Variants in CYB5R4 observed in about 807,000 individuals in gnomAD.
CYB5R4 encodes the protein cytochrome b5 reductase 4, also known as N-terminal cytochrome b5 and cytochrome b5 oxidoreductase domain-containing protein.
In CYB5R4, 55 loss-of-function variants were observed where a neutral mutation model predicts 70.2. The observed-to-expected ratio is 0.78, with a 90% CI of 0.63 to 0.98. The LOEUF (loss-of-function observed/expected upper bound fraction) is 0.98, where lower values mean the gene tolerates loss of function less well. CYB5R4 is among the 50% of genes least tolerant of loss of function. The probability of loss-of-function intolerance (pLI) is 0.00; values close to 1 mark genes in which losing one functional copy is unlikely to be tolerated. For missense variants in CYB5R4, 562 were observed against 612.6 expected (o/e 0.92, Z 0.87); for synonymous variants, 197 against 199.5 (o/e 0.99, Z 0.11).
intron 4 of CYB5R4, among the ~76,000 whole-genome samples, chr6:83,912,879 A>G (rs1002759712): frequency 2.6e-5 from 4 of 152,192 alleles, no homozygotes; most frequent in Non-Finnish European, 4.4e-5. Context: ...TTGTATTTAA[A>G]AAAGACTTGG....
rs2099473824 is a variant in CYB5R4 at position 83,964,790 on chromosome 6, T to G, written c.*4912T>G. 6.6e-6 allele frequency: 1 copy of G among 152,118 alleles called. No individual in the cohort carries two copies. Among genetic ancestry groups the G allele is most frequent in the South Asian group, 2.1e-4 (1 of 4,830 alleles). The allele number at this position is 152,118 out of a possible 1,614,324, so 9.4% of individuals were successfully genotyped here. ...GGAAGAAAAAATGGTAAAAATGGTT[T>G]TGTGGGCAAGGCCTAGGGTCCTTGT... On this transcript the variant is annotated 3_prime_UTR_variant, in exon 16 of 16. Coordinates refer to ENST00000369681, the MANE Select transcript of CYB5R4 (RefSeq NM_016230.4).
intron 15 of CYB5R4, among the ~76,000 whole-genome samples, chr6:83,957,610 G>A (rs1480737488): frequency 5.5e-5 from 6 of 108,188 alleles, no homozygotes; most frequent in South Asian, 2.8e-4. Context: ...CAACAAGAGC[G>A]AAACTCTGTC....
intron 3 of CYB5R4, among the ~76,000 whole-genome samples, chr6:83,900,054 A>G (rs1426363184): frequency 1.3e-5 from 2 of 151,674 alleles, no homozygotes; most frequent in African/African-American, 2.4e-5. Flanking sequence ...TTTAATTGTG[A>G]TGTTAGGGTG....
chr6:83,911,668 A>G (rs2099464696), intron 4 of CYB5R4, among the ~76,000 whole-genome samples: 1 of 152,096 alleles, frequency 6.6e-6, no homozygotes, highest in East Asian at 1.9e-4. Flanking sequence ...GTCCTTTCAA[A>G]TTTCTTCCAG....
chr6:83,940,737 C>G (rs1588583582), intron 14 of CYB5R4, 136 bp downstream of exon 14: 1 of 1,074,486 alleles, frequency 9.3e-7, no homozygotes, highest in East Asian at 3.2e-5. Context: ...AATTCTCTAA[C>G]TAGAAATCAT....
At chr6:83,865,683 A>T in intron 2 of CYB5R4, among the ~76,000 whole-genome samples, 1 of 152,164 alleles carries the variant, frequency 6.6e-6, no homozygotes, top group East Asian at 1.9e-4. Flanking sequence ...CCTATATCCA[A>T]ATAAGGTCAT....
At chr6:83,922,023 A>T (rs7765992) in intron 8 of CYB5R4, among the ~76,000 whole-genome samples, 1 of 152,086 alleles carries the variant, frequency 6.6e-6, no homozygotes, top group Non-Finnish European at 1.5e-5. Flanking sequence ...GGAGAACAAT[A>T]AGAAAAGGTA....
rs769560539 is a variant in CYB5R4, at chr6:83,967,152, A to G, written c.*7274A>G. On this transcript the variant is annotated 3_prime_UTR_variant, in exon 16 of 16. Coordinates refer to ENST00000369681, the MANE Select transcript of CYB5R4 (RefSeq NM_016230.4). ...TGAATATAAAGGCATAAACCAATAT[A>G]GAATGCAAAAACTTGGGAAATATTG... The G allele has an allele frequency of 1.3e-5, 2 of 152,214 alleles. No individual in the cohort carries two copies. The highest frequency in any genetic ancestry group is 2.4e-5 in the African/African-American group (1 of 41,466). 9.4% of individuals were successfully genotyped at this position (152,214 alleles called of 1,614,324 possible).
chr6:83,896,445 C>A (rs535489765), intron 3 of CYB5R4, among the ~76,000 whole-genome samples: 4 of 152,280 alleles, frequency 2.6e-5, no homozygotes, highest in Middle Eastern at 3.4e-3. Flanking sequence ...TTCCCTGCCT[C>A]TGATGTCTAT....
chr6:83,880,353 T>A (rs1213162628), intron 2 of CYB5R4, among the ~76,000 whole-genome samples: 1 of 151,952 alleles, frequency 6.6e-6, no homozygotes, highest in African/African-American at 2.4e-5. Flanking sequence ...TTGGCTTTAA[T>A]TTTTTTTGCC....
chr6:83,912,930 T>A (rs2099464917), intron 4 of CYB5R4, among the ~76,000 whole-genome samples: 1 of 152,136 alleles, frequency 6.6e-6, no homozygotes, highest in Admixed American at 6.5e-5. Flanking sequence ...TCCAGAAAGT[T>A]CTGACAGATT....
At chr6:83,950,782 A>G (rs1261919633) in intron 14 of CYB5R4, among the ~76,000 whole-genome samples, 1 of 152,160 alleles carries the variant, frequency 6.6e-6, no homozygotes, top group Non-Finnish European at 1.5e-5. Context: ...CCAAAGAACA[A>G]TTATTAACAT....
rs1310420193 is a variant in CYB5R4, at chr6:83,955,292, C to T, written c.1347-6C>T. 3.1e-6 allele frequency: 5 copies of T among 1,604,022 alleles called. No homozygotes were observed. Among genetic ancestry groups the T allele is most frequent in the Admixed American group, 3.4e-5 (2 of 58,970 alleles). On this transcript the variant is annotated splice_polypyrimidine_tract_variant and splice_region_variant and intron_variant, in intron 14 of 15. Transcript: ENST00000369681. Reference sequence around the variant, plus strand: ...AACTTTAAAAAGCTGTTTTTCTTTTCCCTAGACTGGATGTTGAATTTGTTC... The same window carrying T: ...AACTTTAAAAAGCTGTTTTTCTTTTTCCTAGACTGGATGTTGAATTTGTTC...
chr6:83,886,761 T>C (rs796788661), intron 2 of CYB5R4, among the ~76,000 whole-genome samples: 5 of 152,308 alleles, frequency 3.3e-5, no homozygotes, highest in African/African-American at 9.6e-5. Flanking sequence ...AAAGAACTAA[T>C]GAGCTAGCAA....
At chr6:83,909,405 CA>C (rs2099464324) in intron 4 of CYB5R4, among the ~76,000 whole-genome samples, 1 of 152,216 alleles carries the variant, frequency 6.6e-6, no homozygotes, top group Middle Eastern at 3.4e-3. Flanking sequence ...TTTAAAAATA[CA>C]AAAAGTTATA....
At chr6:83,860,249 A>G (rs1387421733) in intron 1 of CYB5R4, among the ~76,000 whole-genome samples, 64 of 152,044 alleles carry the variant, frequency 4.2e-4, no homozygotes, top group East Asian at 1.9e-4. Context: ...GAGTTGTACC[A>G]CATCACTCGA....
chr6:83,936,596 G>A (rs929906511), intron 12 of CYB5R4, among the ~76,000 whole-genome samples: 16 of 152,126 alleles, frequency 1.1e-4, no homozygotes, highest in African/African-American at 3.6e-4. Context: ...CTGGAAACTC[G>A]AGTCGGCCTT....
At chr6:83,885,569 A>G (rs556351025) in intron 2 of CYB5R4, among the ~76,000 whole-genome samples, 10 of 152,342 alleles carry the variant, frequency 6.6e-5, no homozygotes, top group African/African-American at 2.4e-4. Context: ...TGGAAGATAG[A>G]TTAGTAGGTA....
At chr6:83,943,408 A>G (rs1329511003) in intron 14 of CYB5R4, among the ~76,000 whole-genome samples, 1 of 152,056 alleles carries the variant, frequency 6.6e-6, no homozygotes, top group Non-Finnish European at 1.5e-5. Flanking sequence ...ACAGAAAGCA[A>G]TAGCATCAAC....
Sources: gnomAD v4.1 joint callset for allele counts (sites outside exome capture counted in the v4.1 genomes callset) on GRCh38, gnomAD v4.1.1 for gene constraint, MANE v1.5 for transcripts, NCBI Gene and HGNC (gene_info 2026-07-23, HGNC 2026-07-21) for gene names.